GCNT1: variants seen among roughly 807,000 people sequenced by gnomAD.
GCNT1 encodes the protein glucosaminyl (N-acetyl) transferase 1, also known as beta-1,3-galactosyl-O-glycosyl-glycoprotein beta-1,6-N-acetylglucosaminyltransferase.
In GCNT1, 16 loss-of-function variants were observed where a neutral mutation model predicts 26.2. That is an observed-to-expected ratio of 0.61 (90% CI 0.41 to 0.93). The LOEUF is 0.93. Among genes scored for constraint, GCNT1 ranks in the 40% least tolerant of loss-of-function variants. The pLI is 0.00. For missense variants in GCNT1, 477 were observed against 526.7 expected (o/e 0.91, Z 0.92); for synonymous variants, 183 against 190.8 (o/e 0.96, Z 0.34).
intron 1 of GCNT1, among the ~76,000 whole-genome samples, chr9:76,426,458 C>T (rs1445686898): frequency 1.3e-5 from 2 of 152,058 alleles, no homozygotes; most frequent in Non-Finnish European, 2.9e-5. Flanking sequence ...GTCCCAGCTA[C>T]TCAGGAGGCT....
At chr9:76,458,370 G>C (rs565570710), upstream of GCNT1, among the ~76,000 whole-genome samples, 5 of 151,852 alleles carry the variant, frequency 3.3e-5, no homozygotes, top group Non-Finnish European at 1.5e-5. Context: ...ATTTAGTAGA[G>C]ACGCGGTTTC....
In GCNT1 at chr9:76,506,529, T is replaced by C. The variant is rs980450098; in HGVS notation, c.*2861T>C. 1 of 166,906 alleles carries C rather than the reference T, an allele frequency of 6.0e-6. No individual in the cohort carries two copies. The highest frequency in any genetic ancestry group is 1.5e-5 in the Non-Finnish European group (1 of 68,106). 10.3% of individuals were successfully genotyped at this position (166,906 alleles called of 1,614,324 possible). A position where few individuals can be genotyped will look rare whatever the true frequency, so the allele number is the denominator to read the frequency against. On this transcript the variant is annotated 3_prime_UTR_variant, in exon 4 of 4. Transcript: ENST00000376730. Reference sequence around the variant, plus strand: ...AGCCTGGGTGACAGAGTGAAACTCGTATCTCCAAACAAACAAACAAAAAGT... The same window carrying C: ...AGCCTGGGTGACAGAGTGAAACTCGCATCTCCAAACAAACAAACAAAAAGT...
At chr9:76,400,235 G>A in the GCNT1 span, among the ~76,000 whole-genome samples, 1 of 152,206 alleles carries the variant, frequency 6.6e-6, no homozygotes, top group Non-Finnish European at 1.5e-5. Context: ...GCTCTAAAAA[G>A]TAGAGTCTAT....
At chr9:76,454,307 C>T (rs967727059), upstream of GCNT1, among the ~76,000 whole-genome samples, 17 of 133,568 alleles carry the variant, frequency 1.3e-4, no homozygotes, top group African/African-American at 3.9e-4. Context: ...ACCCGGGAGG[C>T]GGAGGTTGCA....
chr9:76,501,995 CTTTTG>C (rs1825082257), intron 3 of GCNT1: 1 of 152,026 alleles, frequency 6.6e-6, no homozygotes, highest in African/African-American at 2.4e-5. Context: ...TTTGTTTTTT[CTTTTG>C]TTTTCTTTTT....
intron 2 of GCNT1, among the ~76,000 whole-genome samples, chr9:76,462,561 A>C (rs1823896249): frequency 2.0e-5 from 3 of 152,258 alleles, no homozygotes; most frequent in Admixed American, 1.3e-4. Context: ...ATGTCTCCAG[A>C]CATAGGCAAA....
intron 2 of GCNT1, among the ~76,000 whole-genome samples, chr9:76,499,945 C>A (rs1269950507): frequency 2.0e-5 from 3 of 151,876 alleles, no homozygotes; most frequent in Non-Finnish European, 4.4e-5. Context: ...TTGAAATTTT[C>A]TCAATTTGGT....
chr9:76,403,861 A>G, the GCNT1 span, among the ~76,000 whole-genome samples: 1 of 152,244 alleles, frequency 6.6e-6, no homozygotes, highest in East Asian at 1.9e-4. Flanking sequence ...CTTCTTTCCC[A>G]TTAAAAAATT....
chr9:76,505,147 A>G lies in GCNT1; in HGVS notation c.*1479A>G, dbSNP rs1481746684. On this transcript the variant is annotated 3_prime_UTR_variant, in exon 4 of 4. Transcript: ENST00000376730. The stretch of plus-strand genomic sequence containing the variant: ...TAGACTTTAAACAAGAATTAAAATC[A>G]TGTGCTGTATTTTTAAAATCTAGCC... 1 of 406,560 alleles carries G rather than the reference A, an allele frequency of 2.5e-6. No homozygotes were observed. Among genetic ancestry groups the G allele is most frequent in the Non-Finnish European group, 4.5e-6 (1 of 222,298 alleles). 25.2% of individuals were successfully genotyped at this position (406,560 alleles called of 1,614,324 possible). A position where few individuals can be genotyped will look rare whatever the true frequency, so the allele number is the denominator to read the frequency against.
intron 1 of GCNT1, among the ~76,000 whole-genome samples, chr9:76,432,511 T>C (rs1350783951): frequency 6.6e-6 from 1 of 152,182 alleles, no homozygotes; most frequent in Non-Finnish European, 1.5e-5. Context: ...GGCTTATTTT[T>C]GTATTTTTTA....
At chr9:76,499,307 T>C (rs907984706) in intron 2 of GCNT1, among the ~76,000 whole-genome samples, 9 of 152,042 alleles carry the variant, frequency 5.9e-5, no homozygotes, top group African/African-American at 1.9e-4. Flanking sequence ...TTTGTATTTT[T>C]AGTAGAGATG....
rs190476440 is a variant in GCNT1, at chr9:76,452,379, G to C, written c.-290+10064G>C. Among the ~76,000 whole-genome samples the C allele has an allele frequency of 7.2e-4, 110 of 152,254 alleles. 1 individual carries two copies. The highest frequency in any genetic ancestry group is 4.3e-4 in the Non-Finnish European group (29 of 68,024). ...ATAAGCTTTAAATTATGCTCCACTA[G>C]TCTATCTTACTTAGAAATGATCTAG... is the stretch of plus-strand genomic sequence containing the variant. On this transcript the variant is annotated intron_variant, in intron 1 of 2. Transcript: ENST00000442371.
intron 1 of GCNT1, among the ~76,000 whole-genome samples, chr9:76,450,601 T>G (rs1156904381): frequency 1.3e-5 from 2 of 152,202 alleles, no homozygotes; most frequent in Non-Finnish European, 2.9e-5. Context: ...TTTGCCAATC[T>G]GATAGGTAAA....
intron 1 of GCNT1, among the ~76,000 whole-genome samples, chr9:76,447,482 C>T (rs954851653): frequency 2.0e-5 from 3 of 151,960 alleles, no homozygotes; most frequent in Admixed American, 6.6e-5. Context: ...TGGGCTTAAG[C>T]GATCGGGCTG....
In GCNT1 at chr9:76,447,873, T is replaced by C. The variant is rs147292306; in HGVS notation, c.-290+5558T>C. ...TGTCCAGTACGCCCTGACCCTGTCA[T>C]CTTCCTTTGCTGTGCTGGATTCCTG... On this transcript the variant is annotated intron_variant, in intron 1 of 2. Transcript: ENST00000442371. 1.5e-3 allele frequency among the ~76,000 whole-genome samples: 227 copies of C among 151,984 alleles called. 1 individual carries two copies. In the Middle Eastern group the frequency reaches 0.02, roughly 14 times the overall value.
intron 1 of GCNT1, among the ~76,000 whole-genome samples, chr9:76,432,946 C>T (rs1823357176): frequency 6.6e-6 from 1 of 152,076 alleles, no homozygotes; most frequent in Non-Finnish European, 1.5e-5. Context: ...TGGATACTCA[C>T]AAACCAATTA....
At chr9:76,476,176 A>G (rs1392939883) in intron 2 of GCNT1, among the ~76,000 whole-genome samples, 1 of 152,220 alleles carries the variant, frequency 6.6e-6, no homozygotes, top group Non-Finnish European at 1.5e-5. Context: ...CAAGGAATCT[A>G]GAATTTGGGA....
intron 2 of GCNT1, among the ~76,000 whole-genome samples, chr9:76,478,164 C>T (rs1239241027): frequency 2.6e-5 from 4 of 152,222 alleles, no homozygotes; most frequent in Non-Finnish European, 4.4e-5. Context: ...CGAGTAGCGG[C>T]AACCTGCTCA....
At chr9:76,467,243 C>T (rs979062549) in intron 2 of GCNT1, among the ~76,000 whole-genome samples, 6 of 152,140 alleles carry the variant, frequency 3.9e-5, no homozygotes, top group East Asian at 3.9e-4. Context: ...GGGGTTTCAC[C>T]GTGTTAGCCA....
Sources: gnomAD v4.1 joint callset for allele counts (sites outside exome capture counted in the v4.1 genomes callset) on GRCh38, gnomAD v4.1.1 for gene constraint, MANE v1.5 for transcripts, NCBI Gene and HGNC (gene_info 2026-07-23, HGNC 2026-07-21) for gene names.